BST1: variants seen among roughly 807,000 people sequenced by gnomAD.
The protein encoded by BST1 is bone marrow stromal cell antigen 1.
In BST1, 49 loss-of-function variants were observed where a neutral mutation model predicts 40.6. The ratio of observed to expected loss-of-function variants is 1.21; its 90% CI spans 0.96 to 1.53. The LOEUF is 1.53. Among genes scored for constraint, BST1 ranks in the 40% most tolerant of loss-of-function variants. The probability of loss-of-function intolerance (pLI) is 0.00; values close to 1 mark genes in which losing one functional copy is unlikely to be tolerated. For synonymous variants in BST1, 157 were observed against 159.3 expected (o/e 0.99, Z 0.11); for missense variants, 423 against 395.9 (o/e 1.07, Z -0.58).
chr4:15,723,453 T>A, intron 8 of BST1: 1 of 583,814 alleles, frequency 1.7e-6, no homozygotes, highest in South Asian at 7.5e-5. Flanking sequence ...TTTCACCGTG[T>A]TAGCCAGGAT....
the BST1 span, among the ~76,000 whole-genome samples, chr4:15,769,051 G>C: frequency 6.6e-6 from 1 of 151,900 alleles, no homozygotes; most frequent in Non-Finnish European, 1.5e-5. Context: ...GACACTCAAC[G>C]ATGTTAGCAA....
intron 2 of BST1, among the ~76,000 whole-genome samples, chr4:15,707,113 G>C (rs1719920003): frequency 6.6e-6 from 1 of 152,146 alleles, no homozygotes; most frequent in African/African-American, 2.4e-5. Flanking sequence ...GAAGAGAAAG[G>C]GCTCATGCTC....
In BST1 at chr4:15,718,981, T is replaced by A; in HGVS notation, c.779T>A (p.Ile260Asn). Residue 260 changes from isoleucine (I) to asparagine (N), a missense_variant, in exon 7 of 9, where the codon ATT (isoleucine) becomes AAT (asparagine). By Grantham distance (149) the Ile-to-Asn change is moderately radical (BLOSUM62 -3). Coordinates refer to ENST00000265016, the MANE Select transcript of BST1 (RefSeq NM_004334.3). Reference protein sequence around the residue: ...LKDMGFQYSCINDYRPVKLLQ... With the variant: ...LKDMGFQYSCNNDYRPVKLLQ... ...GACATGGGGTTCCAGTACAGCTGTA[T>A]TAATGATTACCGGTAGGTGGCCTAT... 6.2e-7 allele frequency: 1 copy of A among 1,613,814 alleles called. No individual in the cohort carries two copies. The highest frequency in any genetic ancestry group is 8.5e-7 in the Non-Finnish European group (1 of 1,179,884).
At chr4:15,745,388 T>C in the BST1 span, among the ~76,000 whole-genome samples, 3 of 152,240 alleles carry the variant, frequency 2.0e-5, no homozygotes, top group Non-Finnish European at 2.9e-5. Flanking sequence ...GGAAAATGTA[T>C]TGTTTCAGTA....
At chr4:15,754,156 C>T in the BST1 span, among the ~76,000 whole-genome samples, 1 of 152,132 alleles carries the variant, frequency 6.6e-6, no homozygotes, top group East Asian at 1.9e-4. Flanking sequence ...CGATGGAGGC[C>T]TGTGGGACTG....
At chr4:15,725,925 T>A (rs569648129) in intron 8 of BST1, among the ~76,000 whole-genome samples, 1 of 150,384 alleles carries the variant, frequency 6.6e-6, no homozygotes, top group South Asian at 2.1e-4. Flanking sequence ...ATCTTCTGAC[T>A]GACCTACTTG....
At chr4:15,736,341 C>T (rs966423234), downstream of BST1, among the ~76,000 whole-genome samples, 2 of 152,088 alleles carry the variant, frequency 1.3e-5, no homozygotes, top group Non-Finnish European at 2.9e-5. Context: ...TTCAAGAAGC[C>T]GGGCGCAGTG....
chr4:15,719,375 G>A (rs1720685907), intron 7 of BST1, among the ~76,000 whole-genome samples: 1 of 152,034 alleles, frequency 6.6e-6, no homozygotes, highest in African/African-American at 2.4e-5. Context: ...GCTTGTTTGA[G>A]GTATTTACAG....
intron 7 of BST1, among the ~76,000 whole-genome samples, chr4:15,721,968 T>C (rs1315952939): frequency 6.6e-6 from 1 of 152,144 alleles, no homozygotes. Flanking sequence ...GCTTGCCTCC[T>C]ACCTAACTCC....
the BST1 span, among the ~76,000 whole-genome samples, chr4:15,766,773 G>GAAAAAAAAAA: frequency 1.1e-5 from 1 of 89,826 alleles, no homozygotes; most frequent in South Asian, 4.0e-4. Flanking sequence ...ATATTGAGGA[G>GAAAAAAAAAA]ACAAAGACCT....
At chr4:15,713,206 CTTTTTTTTTTT>C (rs34681185) in intron 4 of BST1, among the ~76,000 whole-genome samples, 11 of 114,744 alleles carry the variant, frequency 9.6e-5, no homozygotes, top group African/African-American at 3.3e-4. Context: ...ATATTTTCAT[CTTTTTTTTTTT>C]TTTTTTTTTT....
the BST1 span, among the ~76,000 whole-genome samples, chr4:15,772,310 A>G: frequency 2.0e-5 from 3 of 152,204 alleles, no homozygotes; most frequent in East Asian, 5.8e-4. Context: ...ACCTTGCACT[A>G]TAAGGATCAT....
chr4:15,707,177 A>G (rs1283061975), intron 2 of BST1, among the ~76,000 whole-genome samples: 1 of 152,206 alleles, frequency 6.6e-6, no homozygotes, highest in African/African-American at 2.4e-5. Context: ...GCCTTGCTCA[A>G]GATTACATAT....
At chr4:15,765,219 A>C in the BST1 span, among the ~76,000 whole-genome samples, 3 of 151,964 alleles carry the variant, frequency 2.0e-5, no homozygotes, top group Admixed American at 6.5e-5. Flanking sequence ...CACTTGGTAA[A>C]CGACAACTCC....
At chr4:15,759,293 G>A in the BST1 span, among the ~76,000 whole-genome samples, 3 of 151,846 alleles carry the variant, frequency 2.0e-5, no homozygotes, top group Admixed American at 2.0e-4. Flanking sequence ...AGGGCTGACT[G>A]GTAGAACGCC....
At chr4:15,710,501 C>A (rs919772934) in intron 3 of BST1, among the ~76,000 whole-genome samples, 1 of 152,058 alleles carries the variant, frequency 6.6e-6, no homozygotes, top group African/African-American at 2.4e-5. Flanking sequence ...TAGCTATGGC[C>A]ACTCTATTGT....
intron 8 of BST1, chr4:15,731,414 C>T (rs1721365858): frequency 8.0e-6 from 5 of 623,986 alleles, no homozygotes; most frequent in South Asian, 6.5e-5. Flanking sequence ...CACGGTGCTG[C>T]TGGTTACCCA....
Position 15,732,203 on chromosome 4 carries a change from G to T in BST1, c.*358G>T. ...TATTTTCCTATATCTCCAGCAGCAC[G>T]GACACTGCATGCTTGTTGATTGCTT... On this transcript the variant is annotated 3_prime_UTR_variant, in exon 9 of 9. Coordinates refer to ENST00000265016, the MANE Select transcript of BST1 (RefSeq NM_004334.3). 1 of 866,822 alleles carries T rather than the reference G, an allele frequency of 1.2e-6. No homozygotes were observed. Among genetic ancestry groups the T allele is most frequent in the Non-Finnish European group, 1.4e-6 (1 of 704,720 alleles). 53.7% of individuals were successfully genotyped at this position (866,822 alleles called of 1,614,324 possible). A position where few individuals can be genotyped will look rare whatever the true frequency, so the allele number is the denominator to read the frequency against.
intron 8 of BST1, 86 bp downstream of exon 8, chr4:15,723,020 T>A: frequency 8.1e-7 from 1 of 1,240,204 alleles, no homozygotes; most frequent in Non-Finnish European, 1.2e-6. Flanking sequence ...ATGAACATAT[T>A]ATCAGAGGCA....
Sources: gnomAD v4.1 joint callset for allele counts (sites outside exome capture counted in the v4.1 genomes callset) on GRCh38, gnomAD v4.1.1 for gene constraint, MANE v1.5 for transcripts, NCBI Gene and HGNC (gene_info 2026-07-23, HGNC 2026-07-21) for gene names.